DLG2: variants seen among roughly 807,000 people sequenced by gnomAD.
DLG2 encodes the protein disks large homolog 2.
Under a neutral mutation model 132.5 loss-of-function variants are expected in DLG2, and 45 were observed. That is an observed-to-expected ratio of 0.34 (90% CI 0.27 to 0.44). The LOEUF is 0.44. Ranked by LOEUF, DLG2 falls within the 20% of genes least tolerant of loss-of-function variation. DLG2 has a pLI of 1.00. For missense variants in DLG2, 1,045 were observed against 1,196.9 expected, an observed-to-expected ratio of 0.87 and a Z score of 1.87; for synonymous variants, 424 against 419.6, an observed-to-expected ratio of 1.01 and a Z score of -0.13.
chr11:83,908,163 A>AT (rs1009188479), intron 15 of DLG2, among the ~76,000 whole-genome samples: 1 of 152,132 alleles, frequency 6.6e-6, no homozygotes, highest in Non-Finnish European at 1.5e-5. Context: ...ATCAGAAAAC[A>AT]TTTTTTTCAT....
At position 83,499,149 on chromosome 11, in the gene DLG2, A is replaced by G. The variant is rs184141101; in HGVS notation, c.2194-14921T>C. ...ACCATTTAAAAAAGAATGAAAGCCAATTCTCACAAAGTTTTCTAAAAGATA... is the reference window on the plus strand; with the variant it reads ...ACCATTTAAAAAAGAATGAAAGCCAGTTCTCACAAAGTTTTCTAAAAGATA... On this transcript the variant is annotated intron_variant, in intron 21 of 27. Transcript: ENST00000376104. Among the ~76,000 whole-genome samples the G allele has an allele frequency of 4.6e-5, 7 of 152,322 alleles. No homozygotes were observed. In the East Asian group the frequency reaches 7.7e-4, roughly 17 times the overall value.
chr11:83,826,229 G>C (rs917815640), intron 17 of DLG2, among the ~76,000 whole-genome samples: 2 of 152,194 alleles, frequency 1.3e-5, no homozygotes, highest in African/African-American at 4.8e-5. Flanking sequence ...AAAGAACTCT[G>C]CCCATAGTCA....
chr11:85,554,452 G>A lies in DLG2; in HGVS notation c.40+44205C>T, dbSNP rs148689662. Among the ~76,000 whole-genome samples the A allele has an allele frequency of 1.3e-3, 202 of 151,974 alleles. 2 individuals are homozygous for A. The highest frequency in any genetic ancestry group is 4.6e-3 in the African/African-American group (191 of 41,534). ...TTGCCTTAGCAAAGATTATGACAGT[G>A]AAAGAAGTCTAACATGGCTGACTCC... On this transcript the variant is annotated intron_variant, in intron 3 of 27. Coordinates refer to ENST00000376104, the MANE Select transcript of DLG2 (RefSeq NM_001142699.3).
At chr11:83,495,820 A>G (rs1376489195) in intron 21 of DLG2, among the ~76,000 whole-genome samples, 1 of 152,110 alleles carries the variant, frequency 6.6e-6, no homozygotes, top group Non-Finnish European at 1.5e-5. Context: ...CATACCAAAC[A>G]CCAAAATTAT....
chr11:84,179,969 A>G (rs2096073145), intron 8 of DLG2, among the ~76,000 whole-genome samples: 1 of 152,172 alleles, frequency 6.6e-6, no homozygotes, highest in Non-Finnish European at 1.5e-5. Flanking sequence ...GATCTATTCA[A>G]AACAGCTCCT....
Position 84,534,558 on chromosome 11 carries a change from A to C in DLG2, c.519+12T>G. 6.2e-7 allele frequency: 1 copy of C among 1,613,124 alleles called. No individual in the cohort carries two copies. Among genetic ancestry groups the C allele is most frequent in the Non-Finnish European group, 8.5e-7 (1 of 1,179,180 alleles). ...TCACCAACTATAAAGTCGGAAGAGC[A>C]ATATAACTGACCTTCAGAGGAGAAA... On this transcript the variant is annotated intron_variant, in intron 7 of 27. Transcript: ENST00000376104.
intron 7 of DLG2, among the ~76,000 whole-genome samples, chr11:84,400,208 A>C (rs532939512): frequency 1.3e-5 from 2 of 152,390 alleles, no homozygotes; most frequent in African/African-American, 4.8e-5. Flanking sequence ...CTAGTGCTTT[A>C]TAATTTCAAA....
At chr11:85,335,917 A>T (rs2082094562) in intron 3 of DLG2, among the ~76,000 whole-genome samples, 1 of 152,304 alleles carries the variant, frequency 6.6e-6, no homozygotes, top group East Asian at 1.9e-4. Context: ...CATGTTCTGC[A>T]CATGTACCCC....
rs71465960 is a variant in DLG2, at chr11:84,331,441, CAA to C, written c.520-80152_520-80151del. 3.1e-4 allele frequency among the ~76,000 whole-genome samples: 37 copies of C among 119,774 alleles called. 1 individual carries two copies. The highest frequency in any genetic ancestry group is 1.1e-3 in the Admixed American group (13 of 12,034). 78.6% of individuals were successfully genotyped at this position (119,774 alleles called of 152,430 possible). On this transcript the variant is annotated intron_variant, in intron 7 of 27. Transcript: ENST00000376104. ...TCCCACTTCACCATGTTACTTATCT[CAA>C]AAAAAAAAAAAAAAAAAATAAATAA... is the stretch of plus-strand genomic sequence containing the variant.
Position 85,354,099 on chromosome 11 carries a change from A to AT in DLG2, c.41-68735dup, listed in dbSNP as rs1176462629. Among the ~76,000 whole-genome samples the AT allele has an allele frequency of 1.3e-5, 2 of 151,496 alleles. 1 individual carries two copies. The highest frequency in any genetic ancestry group is 4.2e-4 in the South Asian group (2 of 4,808). ...ATGCCTAGGTCCTCTCGCACTATTCATTTTTTTCTATGCCTCATCTTTCGT... is the reference window on the plus strand; with the variant it reads ...ATGCCTAGGTCCTCTCGCACTATTCATTTTTTTTCTATGCCTCATCTTTCGT... On this transcript the variant is annotated intron_variant, in intron 3 of 27. Coordinates refer to ENST00000376104, the MANE Select transcript of DLG2 (RefSeq NM_001142699.3).
chr11:83,701,114 C>T (rs1050516102), intron 18 of DLG2, among the ~76,000 whole-genome samples: 4 of 151,894 alleles, frequency 2.6e-5, no homozygotes, highest in Admixed American at 2.6e-4. Flanking sequence ...GGCAGGAGTC[C>T]GGGAGATGGT....
chr11:84,186,191 T>C (rs1202899348), intron 8 of DLG2, among the ~76,000 whole-genome samples: 1 of 152,166 alleles, frequency 6.6e-6, no homozygotes, highest in Non-Finnish European at 1.5e-5. Flanking sequence ...GCTTTTCAAA[T>C]GTGTAAATGA....
At chr11:84,603,056 T>G (rs1057338604) in intron 6 of DLG2, among the ~76,000 whole-genome samples, 2 of 151,966 alleles carry the variant, frequency 1.3e-5, no homozygotes, top group African/African-American at 4.8e-5. Context: ...GAAAAATGAA[T>G]AGCTAGCATA....
intron 6 of DLG2, among the ~76,000 whole-genome samples, chr11:84,608,205 T>C (rs1286944190): frequency 6.6e-6 from 1 of 152,186 alleles, no homozygotes; most frequent in African/African-American, 2.4e-5. Flanking sequence ...CAGTGAGCAG[T>C]ATTAGACATG....
intron 3 of DLG2, among the ~76,000 whole-genome samples, chr11:85,352,020 C>T (rs541549387): frequency 1.4e-3 from 209 of 152,286 alleles, no homozygotes; most frequent in Non-Finnish European, 2.6e-3. Flanking sequence ...TAGAATCTGG[C>T]TGTAAATCCA....
intron 7 of DLG2, among the ~76,000 whole-genome samples, chr11:84,532,079 C>A (rs1186034432): frequency 3.5e-5 from 5 of 143,958 alleles, no homozygotes; most frequent in African/African-American, 1.3e-4. Flanking sequence ...ACTTAATATA[C>A]AAAACAAAGC....
At chr11:85,013,672 G>C (rs529316974) in intron 6 of DLG2, among the ~76,000 whole-genome samples, 20 of 151,948 alleles carry the variant, frequency 1.3e-4, no homozygotes, top group African/African-American at 2.9e-4. Context: ...TAGAAGGAAA[G>C]AAATGCCCAT....
intron 11 of DLG2, among the ~76,000 whole-genome samples, chr11:84,033,663 C>A (rs552383263): frequency 6.6e-6 from 1 of 152,276 alleles, no homozygotes; most frequent in Admixed American, 6.5e-5. Context: ...CGCTACCAAA[C>A]GGTACCACAT....
At chr11:84,696,677 T>C (rs1269547135) in intron 6 of DLG2, among the ~76,000 whole-genome samples, 1 of 151,480 alleles carries the variant, frequency 6.6e-6, no homozygotes, top group Non-Finnish European at 1.5e-5. Context: ...CACTTTGTTA[T>C]GTCTACCATG....
Sources: gnomAD v4.1 joint callset for allele counts (sites outside exome capture counted in the v4.1 genomes callset) on GRCh38, gnomAD v4.1.1 for gene constraint, MANE v1.5 for transcripts, NCBI Gene and HGNC (gene_info 2026-07-23, HGNC 2026-07-21) for gene names.